The following NUP98 variants were observed in gnomAD, a reference collection of about 807,000 sequenced individuals.
NUP98 encodes nuclear pore complex protein Nup98-Nup96.
In NUP98, 26 loss-of-function variants were observed where a neutral mutation model predicts 191.9. That is an observed-to-expected ratio of 0.14 (90% CI 0.10 to 0.19). The LOEUF is 0.19. Among genes scored for constraint, NUP98 ranks in the 10% least tolerant of loss-of-function variants. The probability of loss-of-function intolerance (pLI) is 1.00; values close to 1 mark genes in which losing one functional copy is unlikely to be tolerated. For synonymous variants in NUP98, 808 were observed against 778.4 expected, an observed-to-expected ratio of 1.04 and a Z score of -0.63; for missense variants, 1,941 against 2,178.8, an observed-to-expected ratio of 0.89 and a Z score of 2.17.
Position 3,676,170 on chromosome 11 carries a change from C to T in NUP98, c.5392G>A (p.Gly1798Arg). The T allele has an allele frequency of 6.2e-7, 1 of 1,613,958 alleles. No individual in the cohort carries two copies. Among genetic ancestry groups the T allele is most frequent in the Non-Finnish European group, 8.5e-7 (1 of 1,179,990 alleles). ...TQSYLRELAVGSL is the reference protein window; with the variant it reads ...TQSYLRELAVRSL ...AAAGTGCCTGGGGCTCACAGGCTCC[C>T]AACAGCCAGTTCTCGCAGATAGGAC... Residue 1798 changes from glycine (G) to arginine (R), a missense_variant, in exon 33 of 33, where the codon GGG (glycine) becomes AGG (arginine). Around this residue, in one of 6 missense-constraint regions of NUP98, gnomAD observed 1,030 missense variants for 1,115.8 expected, o/e 0.92. Transcript: ENST00000324932.
At chr11:3,678,906 G>C (rs2077901328) in intron 31 of NUP98, among the ~76,000 whole-genome samples, 1 of 152,082 alleles carries the variant, frequency 6.6e-6, no homozygotes, top group Non-Finnish European at 1.5e-5. Context: ...CCGATCACTT[G>C]AGGCCAGGAA....
chr11:3,794,540 T>C (rs2082464510), intron 1 of NUP98, among the ~76,000 whole-genome samples: 1 of 152,172 alleles, frequency 6.6e-6, no homozygotes, highest in Admixed American at 6.5e-5. Flanking sequence ...TTGCCCAGGC[T>C]GGTCTCAAAC....
At position 3,731,593 on chromosome 11, in the gene NUP98, C is replaced by T; in HGVS notation, c.1543-15G>A. On this transcript the variant is annotated splice_polypyrimidine_tract_variant and intron_variant, in intron 13 of 32. Coordinates refer to ENST00000324932, the MANE Select transcript of NUP98 (RefSeq NM_016320.5). ...GGTTTCAATCTCTGAAAAACAAAAGCATCAAGGAAATTTTTGGTTTACTTT... is the reference window on the plus strand; with the variant it reads ...GGTTTCAATCTCTGAAAAACAAAAGTATCAAGGAAATTTTTGGTTTACTTT... The T allele has an allele frequency of 6.6e-7, 1 of 1,505,768 alleles. No homozygotes were observed. Among genetic ancestry groups the T allele is most frequent in the Non-Finnish European group, 8.9e-7 (1 of 1,123,214 alleles). 93.3% of individuals were successfully genotyped at this position (1,505,768 alleles called of 1,614,324 possible).
intron 31 of NUP98, among the ~76,000 whole-genome samples, chr11:3,677,623 C>T (rs1341389742): frequency 2.0e-5 from 3 of 152,018 alleles, no homozygotes; most frequent in African/African-American, 7.2e-5. Context: ...GTATCTCCCC[C>T]ACAAAATCAT....
intron 10 of NUP98, among the ~76,000 whole-genome samples, chr11:3,755,663 T>C (rs918810242): frequency 6.6e-6 from 1 of 152,086 alleles, no homozygotes; most frequent in African/African-American, 2.4e-5. Flanking sequence ...TTTCATGTCA[T>C]TTTAAAATTC....
At position 3,723,294 on chromosome 11, in the gene NUP98, G is replaced by A; in HGVS notation, c.2009C>T (p.Thr670Ile). 6.2e-7 allele frequency: 1 copy of A among 1,614,088 alleles called. No individual in the cohort carries two copies. Residue 670 changes from threonine to isoleucine, a missense_variant, in exon 16 of 33, where the codon ACC becomes ATC. Thr to Ile is a moderately conservative substitution (Grantham distance 89). Around this residue, in one of 6 missense-constraint regions of NUP98, gnomAD observed 453 missense variants for 438.2 expected, o/e 1.03. Transcript: ENST00000324932. Reference protein sequence around the residue: ...KHSNSNSVDDTIVALNMRAAL... With the variant: ...KHSNSNSVDDIIVALNMRAAL... ...AGCACGCATGTTTAATGCAACAATG[G>A]TATCATCCACACTGTTGCTGTTGCT...
intron 10 of NUP98, among the ~76,000 whole-genome samples, chr11:3,755,246 A>C (rs1415519897): frequency 6.6e-6 from 1 of 151,360 alleles, no homozygotes; most frequent in Non-Finnish European, 1.5e-5. Flanking sequence ...ACTTGAGGAA[A>C]GGAGTTTAAG....
At chr11:3,686,513 T>C (rs747778857) in intron 28 of NUP98, among the ~76,000 whole-genome samples, 5 of 152,242 alleles carry the variant, frequency 3.3e-5, no homozygotes, top group Non-Finnish European at 7.3e-5. Flanking sequence ...TTCATTATAA[T>C]GTCATTACTT....
At chr11:3,727,765 T>TA (rs1223924366) in intron 14 of NUP98, among the ~76,000 whole-genome samples, 1 of 152,016 alleles carries the variant, frequency 6.6e-6, no homozygotes, top group Admixed American at 6.6e-5. Flanking sequence ...GGCGTGCACT[T>TA]ATAGTCCCAG....
rs762229530 is a variant in NUP98 at position 3,683,211 on chromosome 11, T to C, written c.4907A>G (p.His1636Arg). The change falls in exon 30 of 33, where the codon CAC becomes CGC. Residue 1636 changes from histidine to arginine, a missense_variant. Transcript: ENST00000324932. ...WNRCHKLIIRHLASDAIINEN... is the reference protein window; with the variant it reads ...WNRCHKLIIRRLASDAIINEN... ...AACCCAGCACTCACCAGAAGCTAAG[T>C]GTCGGATGATGAGCTTGTGGCAGCG... 2 of 1,614,138 alleles carry C rather than the reference T, an allele frequency of 1.2e-6. No individual in the cohort carries two copies. The highest frequency in any genetic ancestry group is 4.5e-5 in the East Asian group (2 of 44,862).
intron 8 of NUP98, among the ~76,000 whole-genome samples, chr11:3,764,413 T>C (rs1249807837): frequency 6.6e-6 from 1 of 152,232 alleles, no homozygotes; most frequent in Admixed American, 6.5e-5. Context: ...TGTTCACTTG[T>C]GTACAAGTCT....
intron 15 of NUP98, among the ~76,000 whole-genome samples, chr11:3,724,622 G>A (rs1350867557): frequency 6.6e-6 from 1 of 151,022 alleles, no homozygotes; most frequent in Non-Finnish European, 1.5e-5. Context: ...GTGAAACGCC[G>A]TCTCTACTAA....
intron 1 of NUP98, among the ~76,000 whole-genome samples, chr11:3,783,942 C>G (rs1285598634): frequency 6.6e-6 from 1 of 152,030 alleles, no homozygotes; most frequent in Admixed American, 6.6e-5. Flanking sequence ...TCAGAGCTTT[C>G]CCCCTCCACA....
Position 3,744,658 on chromosome 11 carries a change from A to G in NUP98, c.1268-9T>C. Reference sequence around the variant, plus strand: ...CTGTCCAGCACCAAGAGCTACGGAGACAAGAGGAAAGAAAAAAGCACCACA... The same window carrying G: ...CTGTCCAGCACCAAGAGCTACGGAGGCAAGAGGAAAGAAAAAAGCACCACA... On this transcript the variant is annotated splice_polypyrimidine_tract_variant and intron_variant, in intron 11 of 32. Transcript: ENST00000324932. The G allele has an allele frequency of 6.3e-7, 1 of 1,591,694 alleles. No individual in the cohort carries two copies. The highest frequency in any genetic ancestry group is 8.5e-7 in the Non-Finnish European group (1 of 1,172,174).
chr11:3,760,155 A>G (rs1407712267), intron 10 of NUP98: 1 of 207,574 alleles, frequency 4.8e-6, no homozygotes, highest in Non-Finnish European at 9.7e-6. Flanking sequence ...ACAACAAACC[A>G]ACAACGACAA....
At chr11:3,705,410 A>G in intron 21 of NUP98, 54 bp from the exon 22 acceptor site, 3 of 1,579,094 alleles carry the variant, frequency 1.9e-6, no homozygotes, top group Non-Finnish European at 2.6e-6. Flanking sequence ...AAAAGGCCAT[A>G]CCAAAAAAAA....
chr11:3,747,832 G>T (rs1394212012), intron 11 of NUP98, among the ~76,000 whole-genome samples: 1 of 152,168 alleles, frequency 6.6e-6, no homozygotes, highest in African/African-American at 2.4e-5. Context: ...GAAATGCAGA[G>T]TTCAGGAACG....
chr11:3,683,228 G>A lies in NUP98; in HGVS notation c.4890C>T (p.His1630=). 1 of 1,614,204 alleles carries A rather than the reference G, an allele frequency of 6.2e-7. No homozygotes were observed. The highest frequency in any genetic ancestry group is 8.5e-7 in the Non-Finnish European group (1 of 1,180,040). Residue 1630 remains histidine, a synonymous_variant, in exon 30 of 33, where the codon CAC becomes CAT. Transcript: ENST00000324932. The part of the protein sequence containing the change: ...LFKAEHWNRC[H]KLIIRHLASD... The stretch of plus-strand genomic sequence containing the variant: ...AAGCTAAGTGTCGGATGATGAGCTT[G>A]TGGCAGCGGTTCCAGTGCTCAGCCT...
intron 14 of NUP98, 98 bp downstream of exon 14, chr11:3,731,293 T>C (rs1192682901): frequency 6.1e-6 from 5 of 822,834 alleles, no homozygotes; most frequent in Middle Eastern, 8.1e-4. Flanking sequence ...AAGTGGACTG[T>C]ATCACATCTA....
Sources: gnomAD v4.1 joint callset for allele counts (sites outside exome capture counted in the v4.1 genomes callset) on GRCh38, gnomAD v4.1.1 for gene constraint, gnomAD v4.1.1 regional missense constraint, MANE v1.5 for transcripts, NCBI Gene and HGNC (gene_info 2026-07-23, HGNC 2026-07-21) for gene names.